The following TMEM232 variants were observed in gnomAD, a reference collection of about 807,000 sequenced individuals.
The protein encoded by TMEM232 is transmembrane protein 232.
TMEM232 carries 80 observed loss-of-function variants against 78.8 expected under a neutral mutation model. That is an observed-to-expected ratio of 1.01 (90% CI 0.85 to 1.22). The LOEUF is 1.22. Ranked by LOEUF, TMEM232 falls within the 50% of genes most tolerant of loss-of-function variation. The pLI is 0.00. For synonymous variants in TMEM232, 297 were observed against 254.3 expected, an observed-to-expected ratio of 1.17 and a Z score of -1.60; for missense variants, 881 against 742.2, an observed-to-expected ratio of 1.19 and a Z score of -2.17.
chr5:110,529,757 G>T (rs925248482), intron 11 of TMEM232, among the ~76,000 whole-genome samples: 19 of 152,166 alleles, frequency 1.2e-4, no homozygotes, highest in Non-Finnish European at 2.6e-4. Flanking sequence ...TTTCCTGTTT[G>T]ATAATGTCCA....
rs566323256 is a variant in TMEM232 at position 110,666,202 on chromosome 5, T to C, written c.125+1026A>G. 2.3e-4 allele frequency among the ~76,000 whole-genome samples: 35 copies of C among 152,304 alleles called. No individual in the cohort carries two copies. In the South Asian group the frequency reaches 3.9e-3, roughly 17 times the overall value. ...ATGCAGAATCTGACCTGCTCCTTTT[T>C]AGCACAGTATCTATTACTATCTGGT... is the stretch of plus-strand genomic sequence containing the variant. On this transcript the variant is annotated intron_variant, in intron 2 of 13. Coordinates refer to ENST00000455884, the MANE Select transcript of TMEM232 (RefSeq NM_001039763.4).
At chr5:110,574,868 A>T (rs78633835) in intron 10 of TMEM232, among the ~76,000 whole-genome samples, 745 of 152,166 alleles carry the variant, frequency 4.9e-3, no homozygotes, top group Non-Finnish European at 7.4e-3. Flanking sequence ...CCTGAGTAAA[A>T]TGACCTTGCT....
chr5:110,693,907 C>A (rs1311841116), intron 1 of TMEM232, among the ~76,000 whole-genome samples: 3 of 152,082 alleles, frequency 2.0e-5, no homozygotes, highest in Non-Finnish European at 4.4e-5. Flanking sequence ...AGAACTTTCC[C>A]AGTCTAGCAA....
chr5:110,524,040 G>T (rs1233643658), intron 12 of TMEM232, among the ~76,000 whole-genome samples: 1 of 150,858 alleles, frequency 6.6e-6, no homozygotes, highest in Non-Finnish European at 1.5e-5. Flanking sequence ...TGAGGCGGGT[G>T]GATCACGAGT....
intron 11 of TMEM232, among the ~76,000 whole-genome samples, chr5:110,548,525 C>G (rs10059551): frequency 6.6e-6 from 1 of 150,660 alleles, no homozygotes; most frequent in African/African-American, 2.4e-5. Flanking sequence ...AACCACCAAA[C>G]GAGTAAAGGG....
chr5:110,528,946 C>T (rs1259535962), intron 11 of TMEM232, 111 bp from the exon 12 acceptor site: 8 of 1,011,420 alleles, frequency 7.9e-6, no homozygotes, highest in African/African-American at 1.7e-5. Context: ...ACTAATATTG[C>T]ATTTTTCCTG....
intron 4 of TMEM232, among the ~76,000 whole-genome samples, chr5:110,639,608 T>C (rs535099605): frequency 2.6e-5 from 4 of 152,292 alleles, no homozygotes; most frequent in South Asian, 2.1e-4. Context: ...GAAAGGCATG[T>C]CTTTTTCAAA....
At chr5:110,683,360 A>G (rs1792989519) in intron 1 of TMEM232, among the ~76,000 whole-genome samples, 1 of 151,972 alleles carries the variant, frequency 6.6e-6, no homozygotes, top group Non-Finnish European at 1.5e-5. Context: ...TTTAAGCATT[A>G]AATTATAAAT....
chr5:110,670,887 A>T (rs1791265524), intron 1 of TMEM232, among the ~76,000 whole-genome samples: 1 of 152,168 alleles, frequency 6.6e-6, no homozygotes, highest in African/African-American at 2.4e-5. Context: ...AATAAGTAGG[A>T]ATGTGCAAAG....
chr5:110,601,164 T>C (rs1483077391), intron 10 of TMEM232, among the ~76,000 whole-genome samples: 1 of 152,020 alleles, frequency 6.6e-6, no homozygotes, highest in African/African-American at 2.4e-5. Flanking sequence ...CTCAAAACAA[T>C]AAGAGCCATC....
intron 8 of TMEM232, among the ~76,000 whole-genome samples, chr5:110,615,245 A>G (rs1231437565): frequency 1.3e-5 from 2 of 152,000 alleles, no homozygotes; most frequent in African/African-American, 2.4e-5. Flanking sequence ...AAGGGTCTAC[A>G]GTTGATTCTG....
intron 2 of TMEM232, among the ~76,000 whole-genome samples, chr5:110,647,734 A>T (rs1787701749): frequency 6.6e-6 from 1 of 151,964 alleles, no homozygotes; most frequent in Admixed American, 6.6e-5. Flanking sequence ...TTATTGATTG[A>T]CATTTCACAT....
chr5:110,413,342 T>G (rs1439163548), intron 2 of TMEM232, among the ~76,000 whole-genome samples: 2 of 152,178 alleles, frequency 1.3e-5, no homozygotes, highest in Non-Finnish European at 2.9e-5. Context: ...TCTCAGGCCT[T>G]CAGCCACAGA....
intron 7 of TMEM232, 109 bp from the exon 8 acceptor site, chr5:110,618,671 C>T: frequency 8.9e-7 from 1 of 1,127,232 alleles, no homozygotes; most frequent in Non-Finnish European, 1.2e-6. Flanking sequence ...AATGAAAATG[C>T]ATATTCTCTT....
rs546379341 is a variant in TMEM232, at chr5:110,518,969, T to C, written c.1703+9619A>G. 1.4e-4 allele frequency among the ~76,000 whole-genome samples: 21 copies of C among 150,844 alleles called. No individual in the cohort carries two copies. In the South Asian group the frequency reaches 4.2e-3, roughly 30 times the overall value. On this transcript the variant is annotated intron_variant, in intron 12 of 13. Coordinates refer to ENST00000455884, the MANE Select transcript of TMEM232 (RefSeq NM_001039763.4). ...AAAAACACATAAAATAGATTTAGCA[T>C]CTAGCTAAACTAGCTAAGGTGAATA...
In TMEM232 at chr5:110,634,445, G is replaced by A. The variant is rs147503137; in HGVS notation, c.501+3753C>T. ...ATTCTCCAGGTTAGATCATATGCTAGGCAAAAAATAAGTCTCAACAAATTT... is the reference window on the plus strand; with the variant it reads ...ATTCTCCAGGTTAGATCATATGCTAAGCAAAAAATAAGTCTCAACAAATTT... On this transcript the variant is annotated intron_variant, in intron 5 of 13. Coordinates refer to ENST00000455884, the MANE Select transcript of TMEM232 (RefSeq NM_001039763.4). Among the ~76,000 whole-genome samples, 444 of 151,950 alleles carry A rather than the reference G, an allele frequency of 2.9e-3. 1 individual carries two copies. The highest frequency in any genetic ancestry group is 0.01 in the Middle Eastern group (3 of 294).
chr5:110,646,498 A>C (rs1459627403), intron 2 of TMEM232, among the ~76,000 whole-genome samples: 1 of 151,786 alleles, frequency 6.6e-6, no homozygotes, highest in Non-Finnish European at 1.5e-5. Context: ...GAATATCTAC[A>C]TGCAGAAGAA....
chr5:110,475,793 C>G lies in TMEM232; in HGVS notation c.1704-50877G>C, dbSNP rs115600193. On this transcript the variant is annotated intron_variant, in intron 12 of 13. Transcript: ENST00000455884. ...TAATTGCAGCACAAGCACCTGAGGA[C>G]ACTACCAGGGTCTGGGGAAAGAACC... 4.3e-3 allele frequency among the ~76,000 whole-genome samples: 655 copies of G among 151,984 alleles called. 2 individuals carry two copies. The highest frequency in any genetic ancestry group is 8.9e-3 in the Admixed American group (136 of 15,222).
chr5:110,599,279 CAGCTAGCATCA>C (rs1224657567), intron 10 of TMEM232, among the ~76,000 whole-genome samples: 2 of 152,050 alleles, frequency 1.3e-5, no homozygotes, highest in Non-Finnish European at 2.9e-5. Flanking sequence ...GCAAAATAAC[CAGCTAGCATCA>C]TGAAGACAGG....
Sources: allele counts gnomAD v4.1 joint callset (sites outside exome capture counted in the v4.1 genomes callset), GRCh38; gene constraint gnomAD v4.1.1; transcripts MANE v1.5; gene names NCBI Gene and HGNC (gene_info 2026-07-23, HGNC 2026-07-21).